The following STPG2 variants were observed in gnomAD, a reference collection of about 807,000 sequenced individuals.
STPG2 encodes sperm tail PG-rich repeat containing 2.
STPG2 carries 56 observed loss-of-function variants against 54.2 expected under a neutral mutation model. The ratio of observed to expected loss-of-function variants is 1.03; its 90% CI spans 0.83 to 1.29. The LOEUF is 1.29. Ranked by LOEUF, STPG2 falls within the 50% of genes most tolerant of loss-of-function variation. The pLI, the probability that STPG2 is intolerant of heterozygous loss-of-function variation, is 0.00. For missense variants in STPG2, 596 were observed against 544.9 expected, an observed-to-expected ratio of 1.09 and a Z score of -0.93; for synonymous variants, 200 against 181.8, an observed-to-expected ratio of 1.10 and a Z score of -0.81.
At chr4:97,444,700 T>C (rs998968785) in intron 4 of STPG2, among the ~76,000 whole-genome samples, 1 of 151,932 alleles carries the variant, frequency 6.6e-6, no homozygotes, top group Non-Finnish European at 1.5e-5. Context: ...AGAAGAACAA[T>C]GAAAGAGTTA....
intron 4 of STPG2, among the ~76,000 whole-genome samples, chr4:97,508,329 A>G (rs375759907): frequency 6.6e-6 from 1 of 152,138 alleles, no homozygotes; most frequent in East Asian, 1.9e-4. Context: ...AGAGTTTACC[A>G]TATATTGGTT....
intron 7 of STPG2, among the ~76,000 whole-genome samples, chr4:97,969,826 A>T (rs2149255182): frequency 6.6e-6 from 1 of 152,324 alleles, no homozygotes; most frequent in Middle Eastern, 3.4e-3. Flanking sequence ...ATCAGGCAGG[A>T]GAAATCAATA....
At chr4:97,836,227 T>G (rs748656643) in intron 9 of STPG2, among the ~76,000 whole-genome samples, 3 of 151,942 alleles carry the variant, frequency 2.0e-5, no homozygotes, top group Non-Finnish European at 4.4e-5. Flanking sequence ...GTTAATTTCA[T>G]TGTTGTCTTA....
chr4:98,034,788 A>C (rs1736719005), intron 5 of STPG2, among the ~76,000 whole-genome samples: 1 of 152,200 alleles, frequency 6.6e-6, no homozygotes, highest in African/African-American at 2.4e-5. Context: ...CTCAGAAATA[A>C]CACCACACAT....
At chr4:97,836,060 G>A (rs1728621933) in intron 9 of STPG2, among the ~76,000 whole-genome samples, 1 of 151,950 alleles carries the variant, frequency 6.6e-6, no homozygotes, top group Non-Finnish European at 1.5e-5. Flanking sequence ...GTAACAACAA[G>A]GGATTTCAAA....
intron 10 of STPG2, among the ~76,000 whole-genome samples, chr4:97,576,472 C>A (rs978199122): frequency 1.1e-4 from 16 of 151,534 alleles, no homozygotes; most frequent in Non-Finnish European, 1.9e-4. Flanking sequence ...CACACTTAGA[C>A]AAAGTTGACA....
intron 4 of STPG2, among the ~76,000 whole-genome samples, chr4:97,470,352 T>C (rs1245851257): frequency 6.6e-6 from 1 of 152,146 alleles, no homozygotes; most frequent in Non-Finnish European, 1.5e-5. Flanking sequence ...ATTTTCTGTG[T>C]TTTATAGTGT....
intron 4 of STPG2, among the ~76,000 whole-genome samples, chr4:97,478,069 G>A (rs1307766067): frequency 6.6e-6 from 1 of 152,154 alleles, no homozygotes; most frequent in East Asian, 1.9e-4. Flanking sequence ...TATAAAGGAT[G>A]AAAACGTTAA....
chr4:97,647,875 C>G (rs1721954517), intron 10 of STPG2, among the ~76,000 whole-genome samples: 1 of 152,066 alleles, frequency 6.6e-6, no homozygotes, highest in African/African-American at 2.4e-5. Context: ...TGGCAGGGGC[C>G]AGTGTGGGTC....
intron 8 of STPG2, among the ~76,000 whole-genome samples, chr4:97,862,089 A>C (rs1224951413): frequency 6.6e-6 from 1 of 152,146 alleles, no homozygotes; most frequent in Non-Finnish European, 1.5e-5. Context: ...CCTTAAATGT[A>C]AATGGGCTAA....
At chr4:98,127,279 T>C (rs1739857626) in intron 3 of STPG2, among the ~76,000 whole-genome samples, 1 of 152,178 alleles carries the variant, frequency 6.6e-6, no homozygotes, top group Admixed American at 6.5e-5. Context: ...TAGGTATCCA[T>C]TACTATTTTC....
chr4:97,454,523 A>T, intron 4 of STPG2, among the ~76,000 whole-genome samples: 1 of 83,482 alleles, frequency 1.2e-5, no homozygotes, highest in Non-Finnish European at 1.9e-5. Context: ...CCGTCTCAAA[A>T]AAAAAAAAAA....
chr4:97,734,366 C>T (rs1296023140), intron 9 of STPG2, among the ~76,000 whole-genome samples: 1 of 152,094 alleles, frequency 6.6e-6, no homozygotes, highest in African/African-American at 2.4e-5. Flanking sequence ...TTTTGTCACT[C>T]AGGTATTAAG....
chr4:97,893,232 T>C (rs1407775558), intron 8 of STPG2: 1 of 151,622 alleles, frequency 6.6e-6, no homozygotes, highest in Non-Finnish European at 1.5e-5. Flanking sequence ...GGAGGATGAG[T>C]GGGATTATAT....
intron 5 of STPG2, among the ~76,000 whole-genome samples, chr4:98,061,810 G>C (rs181579740): frequency 6.6e-6 from 1 of 152,208 alleles, no homozygotes; most frequent in Admixed American, 6.5e-5. Context: ...ATGTTGGTGA[G>C]GTTGTGGAAA....
chr4:97,758,264 ACT>A (rs1247822679), intron 9 of STPG2, among the ~76,000 whole-genome samples: 1 of 152,140 alleles, frequency 6.6e-6, no homozygotes, highest in African/African-American at 2.4e-5. Context: ...GAGCAAAAGG[ACT>A]CTTATAAAAT....
At chr4:97,735,680 A>G (rs902141348) in intron 9 of STPG2, among the ~76,000 whole-genome samples, 3 of 150,440 alleles carry the variant, frequency 2.0e-5, no homozygotes, top group East Asian at 1.9e-4. Context: ...ATAAGGATAC[A>G]TGTATATCCT....
chr4:97,859,678 T>A lies in STPG2; in HGVS notation c.1045-18746A>T, dbSNP rs145357517. 4.1e-3 allele frequency among the ~76,000 whole-genome samples: 618 copies of A among 152,268 alleles called. 29 individuals carry two copies. In the East Asian group the frequency reaches 0.1, roughly 25 times the overall value. On this transcript the variant is annotated intron_variant, in intron 8 of 10. Coordinates refer to ENST00000295268, the MANE Select transcript of STPG2 (RefSeq NM_174952.3). ...TGGGGATTCACCATGTTGGCCAGGC[T>A]GGTCTTGAAATCCTGACCTCGTGAT...
At chr4:97,818,994 A>G (rs1728002223) in intron 9 of STPG2, among the ~76,000 whole-genome samples, 1 of 148,128 alleles carries the variant, frequency 6.8e-6, no homozygotes, top group South Asian at 2.1e-4. Context: ...TATATTATAT[A>G]TAAAAAGTGT....
Sources: allele counts gnomAD v4.1 joint callset (sites outside exome capture counted in the v4.1 genomes callset), GRCh38; gene constraint gnomAD v4.1.1; transcripts MANE v1.5; gene names NCBI Gene and HGNC (gene_info 2026-07-23, HGNC 2026-07-21).